The following CPSF1 variants were observed in gnomAD, a reference collection of about 807,000 sequenced individuals.
CPSF1 encodes the protein cleavage and polyadenylation specific factor 1.
In CPSF1, 106 loss-of-function variants were observed where a neutral mutation model predicts 175.8. The ratio of observed to expected loss-of-function variants is 0.60; its 90% CI spans 0.52 to 0.71. The LOEUF is 0.71. Ranked by LOEUF, CPSF1 falls within the 30% of genes least tolerant of loss-of-function variation. The pLI is 0.00. For missense variants in CPSF1, 1,734 were observed against 2,022.9 expected, an observed-to-expected ratio of 0.86 and a Z score of 2.74; for synonymous variants, 1,024 against 858.3, an observed-to-expected ratio of 1.19 and a Z score of -3.37.
Position 144,398,967 on chromosome 8 carries a change from C to G in CPSF1, c.1539G>C (p.Ser513=). 1.2e-6 allele frequency: 2 copies of G among 1,612,892 alleles called. No homozygotes were observed. The highest frequency in any genetic ancestry group is 1.7e-6 in the Non-Finnish European group (2 of 1,179,916). Residue 513 remains serine (S), a synonymous_variant, in exon 16 of 38, where the codon TCG becomes TCC. Transcript: ENST00000616140. ...CTACCTGCCCACACACCTGCAGCAC[C>G]GACAAAGCCCCGTTCTTCCCGTGGC... The part of the protein sequence containing the change: ...CSGHGKNGAL[S]VLQKSIRPQV...
chr8:144,401,183 C>A, intron 5 of CPSF1, 28 bp downstream of exon 5: 1 of 952,796 alleles, frequency 1.0e-6, no homozygotes. Context: ...TGGGCGGGGC[C>A]TGGGCGGGGG....
In CPSF1 at chr8:144,401,087, G is replaced by C. The variant is rs1193803234; in HGVS notation, c.388-12C>G. 6.2e-7 allele frequency: 1 copy of C among 1,605,026 alleles called. No individual in the cohort carries two copies. The highest frequency in any genetic ancestry group is 8.5e-7 in the Non-Finnish European group (1 of 1,175,200). On this transcript the variant is annotated splice_polypyrimidine_tract_variant and intron_variant, in intron 5 of 37. Transcript: ENST00000616140. ...TGCACAAACCCGTCCTGGGGGCAGA[G>C]GGGGCATCAGCCAGGCCCAGCATAG...
At position 144,398,351 on chromosome 8, in the gene CPSF1, G is replaced by A. The variant is rs2116849159; in HGVS notation, c.1845C>T (p.Asn615=). 2 of 1,600,264 alleles carry A rather than the reference G, an allele frequency of 1.2e-6. No individual in the cohort carries two copies. The highest frequency in any genetic ancestry group is 2.2e-5 in the East Asian group (1 of 44,546). The change falls in exon 19 of 38, where the codon AAC becomes AAT. Residue 615 remains asparagine (N), a synonymous_variant. Coordinates refer to ENST00000616140, the MANE Select transcript of CPSF1 (RefSeq NM_013291.3). The part of the protein sequence containing the change: ...PTVFAGNIGD[N]RYIVQVSPLG... ...GTGGTGACACTTGGACAATGTAGCG[G>A]TTGTCCCCGATGTTCCCAGCAAAGA...
rs1470649738 is a variant in CPSF1 at position 144,394,158 on chromosome 8, A to T, written c.3814T>A (p.Ser1272Thr). The change falls in exon 34 of 38, where the codon TCT becomes ACT. Residue 1272 changes from serine (S) to threonine (T), a missense_variant and splice_region_variant. Physicochemically the swap from Ser to Thr is moderately conservative, Grantham distance 58. This residue lies in a region of CPSF1 where 323 missense variants were observed against 338.5 expected (regional missense o/e 0.95). Coordinates refer to ENST00000616140, the MANE Select transcript of CPSF1 (RefSeq NM_013291.3). ...ACCATGAGGTTGCGGTCGCGGTCAG[A>T]CACTGGGGAGCAGAGGCCCAGGGTC... ...VDNAQLGFLVSDRDRNLMVYM... is the reference protein window; with the variant it reads ...VDNAQLGFLVTDRDRNLMVYM... 1 of 1,612,690 alleles carries T rather than the reference A, an allele frequency of 6.2e-7. No individual in the cohort carries two copies. Among genetic ancestry groups the T allele is most frequent in the Non-Finnish European group, 8.5e-7 (1 of 1,179,938 alleles).
chr8:144,399,970 C>T lies in CPSF1; in HGVS notation c.1031+22G>A. On this transcript the variant is annotated intron_variant, in intron 10 of 37. Transcript: ENST00000616140. This position sits in a 1 kb window ranked among gnomAD's most constrained non-coding sequence, Gnocchi z 6.4. ...TGTGGGGGGCGGTGTGGGCAGAGTTCATGGGCGGGGGAGGGGCTCACATCT... is the reference window on the plus strand; with the variant it reads ...TGTGGGGGGCGGTGTGGGCAGAGTTTATGGGCGGGGGAGGGGCTCACATCT... 6.3e-7 allele frequency: 1 copy of T among 1,591,702 alleles called. No individual in the cohort carries two copies. The highest frequency in any genetic ancestry group is 8.6e-7 in the Non-Finnish European group (1 of 1,169,412).
rs1554862345 is a variant in CPSF1 at position 144,393,756 on chromosome 8, C to T, written c.4056G>A (p.Gln1352=). The change falls in exon 36 of 38, where the codon CAG becomes CAA. Residue 1352 remains glutamine, a synonymous_variant. Transcript: ENST00000616140. The part of the protein sequence containing the change: ...DGGIGLLLPM[Q]EKTYRRLLML... ...TCAGCAGCCGCCGGTAGGTCTTCTCCTGCATGGGCAGCAGCAGCCCGATGC... is the reference window on the plus strand; with the variant it reads ...TCAGCAGCCGCCGGTAGGTCTTCTCTTGCATGGGCAGCAGCAGCCCGATGC... 6.3e-7 allele frequency: 1 copy of T among 1,589,920 alleles called. No homozygotes were observed. Among genetic ancestry groups the T allele is most frequent in the South Asian group, 1.1e-5 (1 of 88,922 alleles).
intron 26 of CPSF1, 137 bp downstream of exon 26, chr8:144,396,211 C>T (rs1820716298): frequency 2.1e-6 from 2 of 933,108 alleles, no homozygotes; most frequent in Admixed American, 2.7e-5. Context: ...ACCTCCTCGA[C>T]CTCAACCCCA....
intron 31 of CPSF1, 32 bp downstream of exon 31, chr8:144,394,612 C>G: frequency 6.2e-7 from 1 of 1,601,706 alleles, no homozygotes; most frequent in Non-Finnish European, 8.5e-7. Context: ...GAGGGTGAGC[C>G]GGGGGACACA....
chr8:144,397,960 C>A lies in CPSF1; in HGVS notation c.2067G>T (p.Leu689=), dbSNP rs1554864686. The change falls in exon 20 of 38, where the codon CTG becomes CTT. Residue 689 remains leucine (L), a synonymous_variant. Transcript: ENST00000616140. ...HHRLALHKPP[L]HHQSKVITLC... is the part of the protein sequence containing the mutation. ...CGGGAATGAGGGGGCCTACATGGTG[C>A]AGCGGGGGCTTGTGCAGCGCCAGGC... 1 of 1,607,678 alleles carries A rather than the reference C, an allele frequency of 6.2e-7. No individual in the cohort carries two copies. The highest frequency in any genetic ancestry group is 1.3e-5 in the African/African-American group (1 of 74,870).
At position 144,401,668 on chromosome 8, in the gene CPSF1, C is replaced by T. The variant is rs2116886464; in HGVS notation, c.150G>A (p.Leu50=). Residue 50 remains leucine (L), a synonymous_variant, in exon 3 of 38, where the codon CTG becomes CTA. Transcript: ENST00000616140. ...VYRLNRDAEA[L]TKNDRSTEGK... is the part of the protein sequence containing the mutation. ...CACCTGTGCTCCTGTCATTCTTGGT[C>T]AGAGCCTGGAGGGGAGAGAAAGACA... 8.1e-6 allele frequency: 13 copies of T among 1,608,568 alleles called. No homozygotes were observed. Among genetic ancestry groups the T allele is most frequent in the East Asian group, 6.7e-5 (3 of 44,680 alleles).
In CPSF1 at chr8:144,399,885, T is replaced by C. The variant is rs2116867434; in HGVS notation, c.1032-17A>G. The C allele has an allele frequency of 1.3e-6, 2 of 1,556,194 alleles. No homozygotes were observed. The highest frequency in any genetic ancestry group is 1.7e-6 in the Non-Finnish European group (2 of 1,150,450). ...AGCACGTAGCTGGGGGCAGGGAGAA[T>C]TCTGAGTCGGGGATGGGGACCCTGG... On this transcript the variant is annotated splice_polypyrimidine_tract_variant and intron_variant, in intron 10 of 37. Coordinates refer to ENST00000616140, the MANE Select transcript of CPSF1 (RefSeq NM_013291.3). The surrounding 1 kb of genome is among the most constrained non-coding windows in gnomAD (Gnocchi z 6.4).
chr8:144,393,595 GGC>G lies in CPSF1; in HGVS notation c.4146-7_4146-6del, dbSNP rs781945735. The G allele has an allele frequency of 5.6e-6, 9 of 1,602,214 alleles. No homozygotes were observed. Among genetic ancestry groups the G allele is most frequent in the Non-Finnish European group, 6.8e-6 (8 of 1,177,446 alleles). On this transcript the variant is annotated splice_polypyrimidine_tract_variant and splice_region_variant and intron_variant, in intron 36 of 37. Transcript: ENST00000616140. ...CGGCGGTCCACGTGCAGCATCCTGG[GGC>G]GTACAGGCACAGGTGTCAGGGCAGG...
Position 144,393,281 on chromosome 8 carries a change from G to A in CPSF1, c.*37C>T, listed in dbSNP as rs1288589017. ...GTTTTGTACAAAAAGGGGGTGGGAGGTAGTTCCGTGTGCTGGTGGTGACGG... is the reference window on the plus strand; with the variant it reads ...GTTTTGTACAAAAAGGGGGTGGGAGATAGTTCCGTGTGCTGGTGGTGACGG... On this transcript the variant is annotated 3_prime_UTR_variant, in exon 38 of 38. Coordinates refer to ENST00000616140, the MANE Select transcript of CPSF1 (RefSeq NM_013291.3). 1.6e-5 allele frequency: 24 copies of A among 1,471,982 alleles called. No homozygotes were observed. The highest frequency in any genetic ancestry group is 2.5e-4 in the Middle Eastern group (1 of 3,980). 91.2% of individuals were successfully genotyped at this position (1,471,982 alleles called of 1,614,324 possible).
Position 144,400,041 on chromosome 8 carries a change from T to C in CPSF1, c.982A>G (p.Thr328Ala). ...VRITLDCAQATFISYDKMVIS... is the reference protein window; with the variant it reads ...VRITLDCAQAAFISYDKMVIS... ...ACCATCTTGTCGTAGGAGATGAAGG[T>C]GGCCTGGGCGCAGTCCAGGGTGATC... The change falls in exon 10 of 38, where the codon ACC becomes GCC. Residue 328 changes from threonine to alanine, a missense_variant. Thr to Ala is a moderately conservative substitution (Grantham distance 58). Coordinates refer to ENST00000616140, the MANE Select transcript of CPSF1 (RefSeq NM_013291.3). 1 of 1,606,514 alleles carries C rather than the reference T, an allele frequency of 6.2e-7. No individual in the cohort carries two copies.
intron 2 of CPSF1, among the ~76,000 whole-genome samples, chr8:144,403,468 C>T (rs1821331466): frequency 6.6e-6 from 1 of 152,116 alleles, no homozygotes; most frequent in Admixed American, 6.6e-5. Flanking sequence ...ACTGCAGCCT[C>T]GACCTCCTGG....
intron 2 of CPSF1, among the ~76,000 whole-genome samples, chr8:144,407,363 G>A (rs2116908323): frequency 1.3e-5 from 2 of 151,668 alleles, no homozygotes; most frequent in Non-Finnish European, 2.9e-5. Context: ...CTACACACAG[G>A]CCACTATGCC....
chr8:144,409,044 A>G lies in CPSF1; in HGVS notation c.115T>C (p.Tyr39His). Residue 39 changes from tyrosine (Y) to histidine (H), a missense_variant, in exon 2 of 38, where the codon TAC becomes CAC. This residue lies in a region of CPSF1 where 126 missense variants were observed against 117.9 expected (regional missense o/e 1.07). Coordinates refer to ENST00000616140, the MANE Select transcript of CPSF1 (RefSeq NM_013291.3). ...NLVVAGTSQLYVYRLNRDAEA... is the reference protein window; with the variant it reads ...NLVVAGTSQLHVYRLNRDAEA... ...GCGTCGCGGTTGAGGCGGTACACGT[A>G]GAGCTGCGAGGTCCCGGCCACTACC... 1 of 1,613,574 alleles carries G rather than the reference A, an allele frequency of 6.2e-7. No individual in the cohort carries two copies. The highest frequency in any genetic ancestry group is 8.5e-7 in the Non-Finnish European group (1 of 1,179,846).
At position 144,395,150 on chromosome 8, in the gene CPSF1, A is replaced by C; in HGVS notation, c.3220T>G (p.Phe1074Val). The change falls in exon 29 of 38, where the codon TTC becomes GTC. Residue 1074 changes from phenylalanine (F) to valine (V), a missense_variant. Coordinates refer to ENST00000616140, the MANE Select transcript of CPSF1 (RefSeq NM_013291.3). ...ACCGGGGAGATGAGCTGGATGGAGAAGGCCTCCTGCTGGGGGTGGATGTAC... is the reference window on the plus strand; with the variant it reads ...ACCGGGGAGATGAGCTGGATGGAGACGGCCTCCTGCTGGGGGTGGATGTAC... ...ERYIHPQQEA[F>V]SIQLISPVSW... is the part of the protein sequence containing the mutation. The C allele has an allele frequency of 2.5e-6, 4 of 1,612,690 alleles. No individual in the cohort carries two copies. Among genetic ancestry groups the C allele is most frequent in the Non-Finnish European group, 3.4e-6 (4 of 1,179,596 alleles).
chr8:144,400,135 G>GGGGGCGCCC, intron 9 of CPSF1, 31 bp downstream of exon 9: 4 of 895,998 alleles, frequency 4.5e-6, no homozygotes, highest in Non-Finnish European at 6.4e-6. Flanking sequence ...CCGTCCCCGG[G>GGGGGCGCCC]CCCCCCCCGC....
Sources: allele counts gnomAD v4.1 joint callset (sites outside exome capture counted in the v4.1 genomes callset), GRCh38; gene constraint gnomAD v4.1.1; regional missense constraint gnomAD v4.1.1; non-coding constraint Gnocchi (gnomAD v3.1); transcripts MANE v1.5; gene names NCBI Gene and HGNC (gene_info 2026-07-23, HGNC 2026-07-21).